Variants in LHFPL3 observed in about 807,000 individuals in gnomAD.
LHFPL3 encodes LHFPL tetraspan subfamily member 3 protein.
Under a neutral mutation model 19.3 loss-of-function variants are expected in LHFPL3, and 5 were observed. That is an observed-to-expected ratio of 0.26 (90% confidence interval 0.14 to 0.54). The LOEUF (loss-of-function observed/expected upper bound fraction) is 0.54, where lower values mean the gene tolerates loss of function less well. Ranked by LOEUF, LHFPL3 falls within the 20% of genes least tolerant of loss-of-function variation. The pLI is 0.94. For missense variants in LHFPL3, 249 were observed against 307.4 expected (o/e 0.81, Z 1.42); for synonymous variants, 133 against 126.2 (o/e 1.05, Z -0.36).
intron 1 of LHFPL3, among the ~76,000 whole-genome samples, chr7:104,689,265 G>C (rs1417448146): frequency 6.6e-6 from 1 of 152,146 alleles, no homozygotes; most frequent in Non-Finnish European, 1.5e-5. Context: ...GCACTCAACT[G>C]TCAAAGGCAA....
At chr7:104,352,368 C>T (rs1470097035) in intron 1 of LHFPL3, among the ~76,000 whole-genome samples, 1 of 152,072 alleles carries the variant, frequency 6.6e-6, no homozygotes, top group Non-Finnish European at 1.5e-5. Context: ...TCTTAGAATA[C>T]TACCAAGTAT....
At chr7:104,875,525 T>C (rs935562075) in intron 2 of LHFPL3, among the ~76,000 whole-genome samples, 4 of 152,180 alleles carry the variant, frequency 2.6e-5, no homozygotes, top group African/African-American at 9.7e-5. Context: ...GACGATAGTG[T>C]TACATTCCTC....
chr7:104,668,014 G>C, intron 1 of LHFPL3: 1 of 1,613,716 alleles, frequency 6.2e-7, no homozygotes, highest in Non-Finnish European at 8.5e-7. Context: ...GACCGGAGCC[G>C]TCTTCCCAAA....
At chr7:104,492,342 A>C (rs1437724224) in intron 1 of LHFPL3, among the ~76,000 whole-genome samples, 1 of 152,254 alleles carries the variant, frequency 6.6e-6, no homozygotes, top group Non-Finnish European at 1.5e-5. Context: ...CAGGGCAAAG[A>C]GGAGACCAAC....
At chr7:104,584,468 A>T (rs189196200) in intron 1 of LHFPL3, among the ~76,000 whole-genome samples, 38 of 151,580 alleles carry the variant, frequency 2.5e-4, no homozygotes, top group Admixed American at 1.1e-3. Flanking sequence ...TAATAATAAA[A>T]TTTTTTAAAA....
chr7:104,432,578 A>G (rs1479308256), intron 1 of LHFPL3, among the ~76,000 whole-genome samples: 3 of 152,082 alleles, frequency 2.0e-5, no homozygotes, highest in Non-Finnish European at 4.4e-5. Context: ...GTTTCTAGCC[A>G]TCTATTTCCA....
intron 2 of LHFPL3, among the ~76,000 whole-genome samples, chr7:104,741,496 A>G (rs1389065200): frequency 6.6e-6 from 1 of 150,768 alleles, no homozygotes; most frequent in African/African-American, 2.4e-5. Context: ...ACTGAAAAAC[A>G]AAGAAAAGTG....
chr7:104,420,988 G>C (rs1309233808), intron 1 of LHFPL3, among the ~76,000 whole-genome samples: 1 of 152,194 alleles, frequency 6.6e-6, no homozygotes, highest in Non-Finnish European at 1.5e-5. Context: ...TGAGCTGAAA[G>C]GAATCAGACA....
intron 1 of LHFPL3, among the ~76,000 whole-genome samples, chr7:104,456,737 C>T (rs935803962): frequency 2.0e-5 from 3 of 152,098 alleles, no homozygotes; most frequent in Non-Finnish European, 4.4e-5. Flanking sequence ...TGAACGCAAG[C>T]ACTATGATAC....
At position 104,669,588 on chromosome 7, in the gene LHFPL3, C is replaced by T. The variant is rs1792431775; in HGVS notation, c.446-67087C>T. The T allele has an allele frequency of 5.6e-6, 9 of 1,610,970 alleles. No homozygotes were observed. In the South Asian group the frequency reaches 9.9e-5, roughly 18 times the overall value. On this transcript the variant is annotated intron_variant, in intron 1 of 2. Transcript: ENST00000424859. ...ATTATGCCAAATAGACCTCTACATC[C>T]TGTGCTTTTCTCCTAGTTTCTCTCC...
chr7:104,756,396 C>G (rs1290772256), intron 2 of LHFPL3, among the ~76,000 whole-genome samples: 1 of 152,078 alleles, frequency 6.6e-6, no homozygotes, highest in Non-Finnish European at 1.5e-5. Context: ...AAATTAATAT[C>G]CAGTCTCTTT....
intron 2 of LHFPL3, among the ~76,000 whole-genome samples, chr7:104,809,669 TA>T (rs1338614157): frequency 5.9e-5 from 9 of 152,354 alleles, no homozygotes; most frequent in Admixed American, 4.6e-4. Flanking sequence ...TTATAATATA[TA>T]TAGTACCAAA....
intron 2 of LHFPL3, among the ~76,000 whole-genome samples, chr7:104,774,153 T>C (rs1300056484): frequency 6.6e-6 from 1 of 152,200 alleles, no homozygotes; most frequent in African/African-American, 2.4e-5. Context: ...GAAATAGGGA[T>C]GGGAAGAGAG....
chr7:104,457,514 T>C (rs1792571415), intron 1 of LHFPL3, among the ~76,000 whole-genome samples: 1 of 151,680 alleles, frequency 6.6e-6, no homozygotes, highest in Admixed American at 6.6e-5. Flanking sequence ...CAGTCTATCG[T>C]TGTTGGACAT....
At chr7:104,862,197 T>C (rs932195731) in intron 2 of LHFPL3, among the ~76,000 whole-genome samples, 10 of 152,102 alleles carry the variant, frequency 6.6e-5, no homozygotes, top group Non-Finnish European at 1.5e-4. Flanking sequence ...CAAAATGCCA[T>C]AGTCTGCCAC....
rs371215437 is a variant in LHFPL3, at chr7:104,782,319, A to G, written c.682+45408A>G. On this transcript the variant is annotated intron_variant, in intron 2 of 2. Coordinates refer to ENST00000424859, the MANE Select transcript of LHFPL3 (RefSeq NM_199000.3). Reference sequence around the variant, plus strand: ...CCAAGAGAAAGGAAAAGAAGCTAGCAGTCTCTTAGAGGCTGAACCTGCAAT... The same window carrying G: ...CCAAGAGAAAGGAAAAGAAGCTAGCGGTCTCTTAGAGGCTGAACCTGCAAT... Among the ~76,000 whole-genome samples, 25 of 152,360 alleles carry G rather than the reference A, an allele frequency of 1.6e-4. No homozygotes were observed. In the East Asian group the frequency reaches 4.8e-3, roughly 29 times the overall value.
At chr7:104,586,811 C>A (rs1268591563) in intron 1 of LHFPL3, among the ~76,000 whole-genome samples, 2 of 152,120 alleles carry the variant, frequency 1.3e-5, no homozygotes, top group African/African-American at 4.8e-5. Flanking sequence ...TTTTATAAAA[C>A]CCCTTCTGGC....
At chr7:104,648,428 C>T (rs1270541171) in intron 1 of LHFPL3, among the ~76,000 whole-genome samples, 2 of 152,128 alleles carry the variant, frequency 1.3e-5, no homozygotes, top group African/African-American at 4.8e-5. Flanking sequence ...AAAGAAAAAG[C>T]CGTCATTAAA....
intron 1 of LHFPL3, among the ~76,000 whole-genome samples, chr7:104,694,161 A>G (rs1792956969): frequency 6.6e-6 from 1 of 152,244 alleles, no homozygotes; most frequent in South Asian, 2.1e-4. Flanking sequence ...CCAAAGTGGC[A>G]TAGAATTTAC....
Sources: gnomAD v4.1 joint callset for allele counts (sites outside exome capture counted in the v4.1 genomes callset) on GRCh38, gnomAD v4.1.1 for gene constraint, MANE v1.5 for transcripts, NCBI Gene and HGNC (gene_info 2026-07-23, HGNC 2026-07-21) for gene names.